The following TTC32 variants were observed in gnomAD, a reference collection of about 807,000 sequenced individuals.
The protein encoded by TTC32 is tetratricopeptide repeat domain 32.
A neutral mutation model predicts 15.3 loss-of-function variants in TTC32; 16 were observed. That is an observed-to-expected ratio of 1.05 (90% CI 0.71 to 1.59). TTC32 has a LOEUF of 1.59. Ranked by LOEUF, TTC32 falls within the 40% of genes most tolerant of loss-of-function variation. The probability of loss-of-function intolerance (pLI) is 0.00; values close to 1 mark genes in which losing one functional copy is unlikely to be tolerated. For synonymous variants in TTC32, 89 were observed against 67.8 expected, an observed-to-expected ratio of 1.31 and a Z score of -1.53; for missense variants, 188 against 181.9, an observed-to-expected ratio of 1.03 and a Z score of -0.19.
At position 19,901,638 on chromosome 2, in the gene TTC32, G is replaced by C. The variant is rs540643676; in HGVS notation, c.149+68C>G. The stretch of plus-strand genomic sequence containing the variant: ...ACCGTGAGCTCCAGAGGCAAAGATA[G>C]GAGCCCAAACAACCCCAACGTCGCC... On this transcript the variant is annotated intron_variant, in intron 1 of 2. Coordinates refer to ENST00000333610, the MANE Select transcript of TTC32 (RefSeq NM_001008237.3). 385 of 1,558,446 alleles carry C rather than the reference G, an allele frequency of 2.5e-4. No homozygotes were observed. In the African/African-American group the frequency reaches 4.7e-3, roughly 19 times the overall value.
chr2:19,898,876 T>C (rs1191311305), intron 1 of TTC32, among the ~76,000 whole-genome samples: 1 of 152,252 alleles, frequency 6.6e-6, no homozygotes, highest in East Asian at 1.9e-4. Flanking sequence ...AGAACATTAG[T>C]GCCTCTGCTC....
At chr2:19,900,872 G>T (rs1342000683) in intron 1 of TTC32, among the ~76,000 whole-genome samples, 1 of 152,194 alleles carries the variant, frequency 6.6e-6, no homozygotes, top group Non-Finnish European at 1.5e-5. Flanking sequence ...AACGACAGAA[G>T]AGATTCAGTC....
At chr2:19,901,074 T>C (rs1247541420) in intron 1 of TTC32, 1 of 471,208 alleles carries the variant, frequency 2.1e-6, no homozygotes, top group African/African-American at 2.0e-5. Context: ...GACTTGATAT[T>C]AAGTAACTAT....
intron 1 of TTC32, 27 bp downstream of exon 1, chr2:19,901,679 C>T (rs1344275812): frequency 1.9e-6 from 3 of 1,601,098 alleles, no homozygotes; most frequent in Non-Finnish European, 2.6e-6. Flanking sequence ...CCGGGGTCGC[C>T]GCGGCCCCAG....
Position 19,898,027 on chromosome 2 carries a change from C to T in TTC32, c.158G>A (p.Ser53Asn). Reference sequence around the variant, plus strand: ...ATATGCAGTAGCCAAATCCTCAGGGCTGCATTTGCTTTAAACAAAAAGTTC... The same window carrying T: ...ATATGCAGTAGCCAAATCCTCAGGGTTGCATTTGCTTTAAACAAAAAGTTC... ...SSDESPGSKC[S>N]PEDLATAYNN... Residue 53 changes from serine (S) to asparagine (N), a missense_variant, in exon 2 of 3, where the codon AGC (serine) becomes AAC (asparagine). By Grantham distance (46) the Ser-to-Asn change is conservative (BLOSUM62 1). Coordinates refer to ENST00000333610, the MANE Select transcript of TTC32 (RefSeq NM_001008237.3). 1.3e-6 allele frequency: 2 copies of T among 1,525,908 alleles called. No individual in the cohort carries two copies. Among genetic ancestry groups the T allele is most frequent in the Non-Finnish European group, 1.8e-6 (2 of 1,127,324 alleles). 94.5% of individuals were successfully genotyped at this position (1,525,908 alleles called of 1,614,324 possible).
intron 1 of TTC32, 120 bp downstream of exon 1, chr2:19,901,585 TC>T (rs1669604807): frequency 7.4e-7 from 1 of 1,350,232 alleles, no homozygotes; most frequent in Non-Finnish European, 1.0e-6. Flanking sequence ...GCCCGCTCAG[TC>T]CTAGTGCTGG....
In TTC32 at chr2:19,901,885, T is replaced by C. The variant is rs555994836; in HGVS notation, c.-31A>G. ...CCAAGGCCTAGTTTTCGGTGTAGAATGGGGGTTGACCTCCGAGCGGTTAGA... is the reference window on the plus strand; with the variant it reads ...CCAAGGCCTAGTTTTCGGTGTAGAACGGGGGTTGACCTCCGAGCGGTTAGA... On this transcript the variant is annotated 5_prime_UTR_variant, in exon 1 of 3. Transcript: ENST00000333610. The C allele has an allele frequency of 5.1e-5, 82 of 1,613,134 alleles. No homozygotes were observed. In the South Asian group the frequency reaches 8.4e-4, roughly 16 times the overall value.
At chr2:19,901,316 C>G (rs1230379351) in intron 1 of TTC32, 1 of 292,170 alleles carries the variant, frequency 3.4e-6, no homozygotes, top group Non-Finnish European at 6.8e-6. Context: ...TCCCAGGTCG[C>G]GGATTTCCCG....
intron 1 of TTC32, among the ~76,000 whole-genome samples, chr2:19,900,117 A>C (rs1450160765): frequency 1.3e-5 from 2 of 152,234 alleles, no homozygotes; most frequent in Non-Finnish European, 2.9e-5. Flanking sequence ...GCTATTATAT[A>C]TGCTACAGAC....
At chr2:19,899,701 G>GTA (rs1669570757) in intron 1 of TTC32, among the ~76,000 whole-genome samples, 1 of 149,972 alleles carries the variant, frequency 6.7e-6, no homozygotes, top group South Asian at 2.1e-4. Flanking sequence ...TAAAGTGTGT[G>GTA]TATATATATT....
In TTC32 at chr2:19,897,131, A is replaced by G; in HGVS notation, c.317-5T>C. 1 of 1,577,060 alleles carries G rather than the reference A, an allele frequency of 6.3e-7. No individual in the cohort carries two copies. The highest frequency in any genetic ancestry group is 8.5e-7 in the Non-Finnish European group (1 of 1,169,818). ...CCAAAGCATCATCAAAATATCCTGT[A>G]CCAGAACCCAAAAAATGGAAAAGAG... On this transcript the variant is annotated splice_polypyrimidine_tract_variant and splice_region_variant and intron_variant, in intron 2 of 2. Coordinates refer to ENST00000333610, the MANE Select transcript of TTC32 (RefSeq NM_001008237.3).
intron 2 of TTC32, 38 bp from the exon 3 acceptor site, chr2:19,897,164 A>AC (rs1457859646): frequency 5.7e-6 from 9 of 1,569,654 alleles, no homozygotes; most frequent in Non-Finnish European, 7.7e-6. Context: ...GAGAAAAGAA[A>AC]CCGAGTATTT....
intron 1 of TTC32, 58 bp downstream of exon 1, chr2:19,901,648 C>T: frequency 6.4e-7 from 1 of 1,572,092 alleles, no homozygotes; most frequent in South Asian, 1.2e-5. Flanking sequence ...GGAGCCCAAA[C>T]AACCCCAACG....
intron 1 of TTC32, chr2:19,901,023 A>G (rs766362106): frequency 4.3e-6 from 2 of 465,662 alleles, no homozygotes; most frequent in South Asian, 3.1e-5. Context: ...ACCAAAGAAC[A>G]AAACACCTTA....
rs1293204743 is a variant in TTC32 at position 19,897,880 on chromosome 2, A to G, written c.305T>C (p.Leu102Pro). 10 of 1,592,694 alleles carry G rather than the reference A, an allele frequency of 6.3e-6. No individual in the cohort carries two copies. The African/African-American group carries it at 1.3e-4, about 21-fold the overall frequency. Residue 102 changes from leucine to proline, a missense_variant, in exon 2 of 3, where the codon CTG becomes CCG. By Grantham distance (98) the Leu-to-Pro change is moderately conservative. Coordinates refer to ENST00000333610, the MANE Select transcript of TTC32 (RefSeq NM_001008237.3). ...AAAAAAATTCTTACCCAGCCTATAC[A>G]GTATCAACCCTCTGTTGTAATATGG... ...EVPYYNRGLI[L>P]YRLGYFDDAL...
chr2:19,901,705 C>CCTCCCGGGA lies in TTC32; in HGVS notation c.141_149dup (p.Pro48_Ser50dup). On this transcript the variant is annotated inframe_insertion and splice_region_variant. Transcript: ENST00000333610. ...GCGGCCCCAGGTCTCGCGATAGTTACCTCCCGGGACTCTCGTCGCTGGAGG... is the reference window on the plus strand; with the variant it reads ...GCGGCCCCAGGTCTCGCGATAGTTACCTCCCGGGACTCCCGGGACTCTCGTCGCTGGAGG... The CCTCCCGGGA allele has an allele frequency of 6.2e-7, 1 of 1,609,840 alleles. No individual in the cohort carries two copies. The highest frequency in any genetic ancestry group is 2.2e-5 in the East Asian group (1 of 44,740).
rs763236119 is a variant in TTC32 at position 19,897,949 on chromosome 2, T to C, written c.236A>G (p.Asp79Gly). ...GACTTCTATGGCAGATGTGTAGTCA[T>C]CCATGGCTTCATAAAAATCAACCCT... The part of the protein sequence containing the change: ...YFRVDFYEAM[D>G]DYTSAIEVQP... The change falls in exon 2 of 3, where the codon GAT becomes GGT. Residue 79 changes from aspartate to glycine, a missense_variant. Asp to Gly is a moderately conservative substitution (Grantham distance 94, BLOSUM62 -1). Coordinates refer to ENST00000333610, the MANE Select transcript of TTC32 (RefSeq NM_001008237.3). 162 of 1,612,670 alleles carry C rather than the reference T, an allele frequency of 1.0e-4. No homozygotes were observed. Among genetic ancestry groups the C allele is most frequent in the Non-Finnish European group, 1.3e-4 (157 of 1,178,970 alleles).
intron 2 of TTC32, among the ~76,000 whole-genome samples, 177 bp downstream of exon 2, chr2:19,897,692 A>G (rs1243232118): frequency 6.6e-6 from 1 of 152,230 alleles, no homozygotes; most frequent in African/African-American, 2.4e-5. Context: ...GCTGTGATCT[A>G]TAACGCCTAT....
At chr2:19,901,142 CTG>C (rs1558312528) in intron 1 of TTC32, 2 of 464,754 alleles carry the variant, frequency 4.3e-6, no homozygotes, top group Non-Finnish European at 8.9e-6. Flanking sequence ...AATAGGTAAA[CTG>C]ATAATGCTTA....
Sources: gnomAD v4.1 joint callset for allele counts (sites outside exome capture counted in the v4.1 genomes callset) on GRCh38, gnomAD v4.1.1 for gene constraint, MANE v1.5 for transcripts, NCBI Gene and HGNC (gene_info 2026-07-23, HGNC 2026-07-21) for gene names.